PRDM16: variants seen among roughly 807,000 people sequenced by gnomAD.
The protein encoded by PRDM16 is histone-lysine N-methyltransferase PRDM16.
In PRDM16, 23 loss-of-function variants were observed where a neutral mutation model predicts 110.6. The observed-to-expected ratio is 0.21, with a 90% confidence interval of 0.15 to 0.29. The LOEUF is 0.29. Ranked by LOEUF, PRDM16 falls within the 10% of genes least tolerant of loss-of-function variation. The pLI is 1.00. For synonymous variants in PRDM16, 799 were observed against 781.8 expected (o/e 1.02, Z -0.37); for missense variants, 1,615 against 1,794.3 (o/e 0.90, Z 1.81).
chr1:3,075,220 G>T (rs557133251), intron 1 of PRDM16, among the ~76,000 whole-genome samples: 15 of 152,388 alleles, frequency 9.8e-5, no homozygotes, highest in African/African-American at 3.6e-4. Context: ...GAAAAGGAGG[G>T]AAGTCAGATT....
chr1:3,101,616 G>A (rs982060568), intron 1 of PRDM16, among the ~76,000 whole-genome samples: 1 of 152,358 alleles, frequency 6.6e-6, no homozygotes, highest in South Asian at 2.1e-4. Flanking sequence ...GTGCAAGGAG[G>A]AGCCAGGGCA....
In PRDM16 at chr1:3,253,251, C is replaced by T. The variant is rs983630614; in HGVS notation, c.438+9114C>T. ...CTTTAAGTTTTAGGGTACATGTGCA[C>T]AATGTACAGGTTAGTTACATATGTA... On this transcript the variant is annotated intron_variant, in intron 3 of 16. Transcript: ENST00000270722. Among the ~76,000 whole-genome samples, 8 of 151,788 alleles carry T rather than the reference C, an allele frequency of 5.3e-5. No homozygotes were observed. In the East Asian group the frequency reaches 1.2e-3, roughly 22 times the overall value.
chr1:3,077,568 C>G (rs1008255770), intron 1 of PRDM16, among the ~76,000 whole-genome samples: 3 of 152,190 alleles, frequency 2.0e-5, no homozygotes, highest in Non-Finnish European at 4.4e-5. Flanking sequence ...GGTGCTTTTT[C>G]CTGGAATTTG....
At chr1:3,431,712 C>G (rs1053581402) in intron 15 of PRDM16, among the ~76,000 whole-genome samples, 7 of 151,806 alleles carry the variant, frequency 4.6e-5, no homozygotes, top group African/African-American at 1.7e-4. Context: ...CTGGCAAGAC[C>G]TGAGCCCCCT....
intron 3 of PRDM16, among the ~76,000 whole-genome samples, chr1:3,304,183 A>G (rs1334965377): frequency 9.8e-3 from 663 of 67,472 alleles, no homozygotes; most frequent in Middle Eastern, 0.013. Context: ...AATCCTTGGG[A>G]ACAGTGACAC....
At chr1:3,111,688 G>A (rs997858320) in intron 1 of PRDM16, among the ~76,000 whole-genome samples, 14 of 152,128 alleles carry the variant, frequency 9.2e-5, no homozygotes, top group Non-Finnish European at 1.2e-4. Flanking sequence ...TTCAGGTACC[G>A]GCCTTTTGTC....
chr1:3,128,623 G>A (rs1341640419), intron 1 of PRDM16, among the ~76,000 whole-genome samples: 1 of 152,206 alleles, frequency 6.6e-6, no homozygotes, highest in Non-Finnish European at 1.5e-5. Context: ...ACCGGCCGGT[G>A]AGCTGTGGAA....
At chr1:3,369,418 G>A (rs144573729) in intron 3 of PRDM16, among the ~76,000 whole-genome samples, 1 of 152,322 alleles carries the variant, frequency 6.6e-6, no homozygotes. Flanking sequence ...TCTCTGGCTG[G>A]GATGCTACCA....
intron 1 of PRDM16, among the ~76,000 whole-genome samples, chr1:3,117,951 G>A (rs140746205): frequency 2.0e-3 from 303 of 152,288 alleles, no homozygotes; most frequent in African/African-American, 6.2e-3. Flanking sequence ...AGTTGTGCAC[G>A]TGTGTGTGCA....
At chr1:3,186,724 T>C in intron 2 of PRDM16, 1 of 459,836 alleles carries the variant, frequency 2.2e-6, no homozygotes, top group Non-Finnish European at 3.8e-6. Flanking sequence ...GTGTCTTTCA[T>C]GAGCTCATGT....
At chr1:3,098,227 C>T (rs1642451475) in intron 1 of PRDM16, among the ~76,000 whole-genome samples, 1 of 152,288 alleles carries the variant, frequency 6.6e-6, no homozygotes, top group African/African-American at 2.4e-5. Flanking sequence ...TCCAGTTCCC[C>T]ACCCTGGGTC....
intron 1 of PRDM16, among the ~76,000 whole-genome samples, chr1:3,120,016 C>T (rs555761343): frequency 2.3e-4 from 32 of 137,928 alleles, no homozygotes; most frequent in Non-Finnish European, 4.0e-4. Context: ...GCTTGGGAGC[C>T]CCGCCTGGTG....
chr1:3,413,191 C>G (rs1643724259), intron 9 of PRDM16, among the ~76,000 whole-genome samples: 4 of 145,062 alleles, frequency 2.8e-5, no homozygotes, highest in African/African-American at 1.0e-4. Flanking sequence ...TGGTCTAGCT[C>G]TCCCCAGCCT....
At chr1:3,281,282 C>T (rs1170503834) in intron 3 of PRDM16, among the ~76,000 whole-genome samples, 1 of 152,248 alleles carries the variant, frequency 6.6e-6, no homozygotes, top group Non-Finnish European at 1.5e-5. Context: ...TGCTGAGACG[C>T]TCCCTTCCTA....
At chr1:3,198,247 G>A (rs755945857) in intron 2 of PRDM16, among the ~76,000 whole-genome samples, 4 of 152,334 alleles carry the variant, frequency 2.6e-5, no homozygotes, top group South Asian at 2.1e-4. Flanking sequence ...CCAGGTCGGC[G>A]CAGGGCAGCG....
intron 8 of PRDM16, among the ~76,000 whole-genome samples, chr1:3,408,705 C>T (rs796300616): frequency 2.2e-4 from 30 of 138,470 alleles, no homozygotes; most frequent in African/African-American, 5.4e-4. Flanking sequence ...CATGTGTTGG[C>T]GTGCATGAGA....
At chr1:3,316,375 G>A (rs973088198) in intron 3 of PRDM16, among the ~76,000 whole-genome samples, 2 of 152,156 alleles carry the variant, frequency 1.3e-5, no homozygotes, top group East Asian at 1.9e-4. Flanking sequence ...CAAAAGCTAC[G>A]GGACCCCCGG....
intron 12 of PRDM16, among the ~76,000 whole-genome samples, chr1:3,421,278 C>G (rs1332203604): frequency 1.3e-5 from 2 of 152,274 alleles, no homozygotes; most frequent in East Asian, 3.9e-4. Flanking sequence ...GGCCACCCCC[C>G]CTGACCTGCC....
chr1:3,170,235 C>T (rs1644009962), intron 1 of PRDM16, among the ~76,000 whole-genome samples: 1 of 152,224 alleles, frequency 6.6e-6, no homozygotes, highest in African/African-American at 2.4e-5. Context: ...AGCCTGGCTG[C>T]TTCCCCCAGG....
Sources: gnomAD v4.1 joint callset for allele counts (sites outside exome capture counted in the v4.1 genomes callset) on GRCh38, gnomAD v4.1.1 for gene constraint, MANE v1.5 for transcripts, NCBI Gene and HGNC (gene_info 2026-07-23, HGNC 2026-07-21) for gene names.